TFEC: variants seen among roughly 807,000 people sequenced by gnomAD.
The protein encoded by TFEC is class E basic helix-loop-helix protein 34.
Under a neutral mutation model 41.6 loss-of-function variants are expected in TFEC, and 31 were observed. The ratio of observed to expected loss-of-function variants is 0.74; its 90% CI spans 0.56 to 1.01. TFEC has a LOEUF of 1.01. TFEC is among the 50% of genes least tolerant of loss of function. The pLI is 0.00. For synonymous variants in TFEC, 143 were observed against 140.6 expected (o/e 1.02, Z -0.12); for missense variants, 402 against 404.1 (o/e 0.99, Z 0.04).
At chr7:116,088,589 G>A (rs902169552) in intron 3 of TFEC, among the ~76,000 whole-genome samples, 1 of 151,840 alleles carries the variant, frequency 6.6e-6, no homozygotes. Flanking sequence ...AGATAAGAAG[G>A]TTTTTTAAAT....
intron 3 of TFEC, among the ~76,000 whole-genome samples, chr7:116,078,237 T>A (rs920923410): frequency 6.6e-6 from 1 of 151,488 alleles, no homozygotes; most frequent in Non-Finnish European, 1.5e-5. Context: ...CAAAGAGTAT[T>A]AAAAAGCACA....
upstream of TFEC, among the ~76,000 whole-genome samples, chr7:116,034,596 C>A (rs372346779): frequency 6.6e-6 from 1 of 151,712 alleles, no homozygotes; most frequent in Admixed American, 6.6e-5. Context: ...TCAAAGCTAA[C>A]CTCATCTCTC....
intron 3 of TFEC, among the ~76,000 whole-genome samples, chr7:115,971,990 C>G (rs1245088769): frequency 6.6e-6 from 1 of 152,074 alleles, no homozygotes; most frequent in Non-Finnish European, 1.5e-5. Context: ...TATACTTACT[C>G]AAAGCTTTTT....
chr7:116,003,767 A>T (rs1370152832), intron 1 of TFEC, among the ~76,000 whole-genome samples: 3 of 152,308 alleles, frequency 2.0e-5, no homozygotes, highest in Non-Finnish European at 4.4e-5. Flanking sequence ...ATTAAATTTT[A>T]AAAAATCATA....
rs564167111 is a variant in TFEC at position 116,118,900 on chromosome 7, C to T, written c.-68-6862G>A. Among the ~76,000 whole-genome samples the T allele has an allele frequency of 2.0e-5, 3 of 151,840 alleles. No homozygotes were observed. In the East Asian group the frequency reaches 5.8e-4, roughly 29 times the overall value. On this transcript the variant is annotated intron_variant, in intron 1 of 8. Coordinates refer to the TFEC transcript ENST00000484212. ...CATAAATGGGATCCTGGTTATAGGTCGGCAGCATAATAAAATAACTATCTG... is the reference window on the plus strand; with the variant it reads ...CATAAATGGGATCCTGGTTATAGGTTGGCAGCATAATAAAATAACTATCTG...
chr7:116,159,689 TTAAAC>T (rs1296089780), intron 1 of TFEC: 1 of 152,174 alleles, frequency 6.6e-6, no homozygotes, highest in African/African-American at 2.4e-5. Flanking sequence ...TCTTAAACAT[TTAAAC>T]TAAGTTGAAA....
At chr7:115,970,640 GAAGAA>G (rs1793091743) in intron 3 of TFEC, among the ~76,000 whole-genome samples, 1 of 151,986 alleles carries the variant, frequency 6.6e-6, no homozygotes, top group Non-Finnish European at 1.5e-5. Context: ...GCTATTTAGA[GAAGAA>G]AAGTCCTTTG....
chr7:115,998,618 A>C (rs1794462860), intron 1 of TFEC, among the ~76,000 whole-genome samples: 1 of 152,070 alleles, frequency 6.6e-6, no homozygotes, highest in African/African-American at 2.4e-5. Flanking sequence ...ACATAGAATG[A>C]AAAGAAAGGG....
At chr7:116,087,592 T>G (rs1007015035) in intron 3 of TFEC, among the ~76,000 whole-genome samples, 2 of 152,096 alleles carry the variant, frequency 1.3e-5, no homozygotes, top group African/African-American at 4.8e-5. Context: ...TTCTACAAAT[T>G]CTGTACTCAG....
chr7:115,952,193 T>G (rs1791984199), intron 5 of TFEC, among the ~76,000 whole-genome samples: 2 of 151,974 alleles, frequency 1.3e-5, no homozygotes, highest in South Asian at 4.1e-4. Context: ...TCCTCTAAAA[T>G]GAGAATATAA....
At chr7:115,968,357 G>T in intron 3 of TFEC, 1 of 1,392,236 alleles carries the variant, frequency 7.2e-7, no homozygotes, top group Non-Finnish European at 9.3e-7. Context: ...ATCTTGTCTA[G>T]ATTGTGATTG....
intron 1 of TFEC, among the ~76,000 whole-genome samples, chr7:116,130,689 T>C (rs1345760745): frequency 6.6e-6 from 1 of 152,174 alleles, no homozygotes; most frequent in Non-Finnish European, 1.5e-5. Context: ...CCCAGCTCAC[T>C]GCAGCCTCAA....
rs76812861 is a variant in TFEC at position 116,006,609 on chromosome 7, G to A, written c.-72-22096C>T. Among the ~76,000 whole-genome samples the A allele has an allele frequency of 8.5e-5, 13 of 152,262 alleles. No homozygotes were observed. The East Asian group carries it at 2.3e-3, about 27-fold the overall frequency. ...TACAGGCTCATAGGCGAAGGGACTT[G>A]GCTTGTTTCAGATGGGACTTTGGAC... On this transcript the variant is annotated intron_variant, in intron 1 of 7. Transcript: ENST00000265440.
chr7:116,063,291 T>C (rs1292383103), intron 3 of TFEC, among the ~76,000 whole-genome samples: 1 of 151,920 alleles, frequency 6.6e-6, no homozygotes, highest in African/African-American at 2.4e-5. Flanking sequence ...GATGCAAAGG[T>C]TCAGGAAAAA....
chr7:116,126,568 A>G (rs886701608), intron 1 of TFEC, among the ~76,000 whole-genome samples: 10 of 152,168 alleles, frequency 6.6e-5, no homozygotes, highest in African/African-American at 2.4e-4. Flanking sequence ...ATTTTAGTGA[A>G]AAAAGAACAC....
chr7:116,048,940 T>C (rs1407297293), intron 3 of TFEC, among the ~76,000 whole-genome samples: 1 of 152,178 alleles, frequency 6.6e-6, no homozygotes, highest in Non-Finnish European at 1.5e-5. Context: ...CTGAGAGATT[T>C]TGTCACCACC....
At chr7:116,078,883 A>G (rs1301024249) in intron 3 of TFEC, among the ~76,000 whole-genome samples, 1 of 152,116 alleles carries the variant, frequency 6.6e-6, no homozygotes, top group African/African-American at 2.4e-5. Flanking sequence ...ACCAAAAAAT[A>G]AAACTACAGG....
intron 1 of TFEC, among the ~76,000 whole-genome samples, chr7:115,988,422 T>G (rs984728029): frequency 6.6e-6 from 1 of 151,116 alleles, no homozygotes; most frequent in Non-Finnish European, 1.5e-5. Context: ...TGTAGAGAAA[T>G]GAAGAATGCT....
intron 1 of TFEC, among the ~76,000 whole-genome samples, chr7:116,159,174 C>T (rs1352328418): frequency 6.6e-6 from 1 of 151,808 alleles, no homozygotes; most frequent in Non-Finnish European, 1.5e-5. Context: ...TGTATTTACA[C>T]TGATAATCAG....
Sources: gnomAD v4.1 joint callset for allele counts (sites outside exome capture counted in the v4.1 genomes callset) on GRCh38, gnomAD v4.1.1 for gene constraint, MANE v1.5 for transcripts, NCBI Gene and HGNC (gene_info 2026-07-23, HGNC 2026-07-21) for gene names.